KPTN: variants seen among roughly 807,000 people sequenced by gnomAD.
The protein encoded by KPTN is KICSTOR complex protein kaptin.
In KPTN, 36 loss-of-function variants were observed where a neutral mutation model predicts 52.6. The ratio of observed to expected loss-of-function variants is 0.68; its 90% CI spans 0.52 to 0.90. The LOEUF is 0.90. Ranked by LOEUF, KPTN falls within the 40% of genes least tolerant of loss-of-function variation. The pLI, the probability that KPTN is intolerant of heterozygous loss-of-function variation, is 0.00. For synonymous variants in KPTN, 271 were observed against 248.4 expected (o/e 1.09, Z -0.85); for missense variants, 529 against 576.2 (o/e 0.92, Z 0.84).
intron 7 of KPTN, 50 bp from the exon 8 acceptor site, chr19:47,479,990 C>T (rs538852842): frequency 1.4e-6 from 2 of 1,481,388 alleles, no homozygotes; most frequent in Admixed American, 1.9e-5. Flanking sequence ...CGGTCCCGCC[C>T]GCAGCCCTGA....
At chr19:47,480,563 A>G (rs1967841857) in intron 6 of KPTN, 156 bp from the exon 7 acceptor site, 2 of 734,528 alleles carry the variant, frequency 2.7e-6, no homozygotes, top group African/African-American at 1.8e-5. Flanking sequence ...TCTGAGGTCA[A>G]TTCTCACCAC....
chr19:47,480,827 C>T lies in KPTN; in HGVS notation c.532G>A (p.Gly178Arg), dbSNP rs200357796. The T allele has an allele frequency of 5.6e-6, 9 of 1,614,068 alleles. No individual in the cohort carries two copies. In the African/African-American group the frequency reaches 1.2e-4, roughly 22 times the overall value. ...GGCTGTTCCTCAAACTGATGCAGCC[C>T]CTCGTTCTGGGGAAACCAAGACCCA... Reference protein sequence around the residue: ...PAIHLYKENEGLHQFEEQPVE... With the variant: ...PAIHLYKENERLHQFEEQPVE... Residue 178 changes from glycine (G) to arginine (R), a missense_variant, in exon 6 of 12, where the codon GGG becomes AGG. Gly to Arg is a moderately radical substitution (Grantham distance 125, BLOSUM62 -2). Coordinates refer to ENST00000338134, the MANE Select transcript of KPTN (RefSeq NM_007059.4).
At position 47,480,479 on chromosome 19, in the gene KPTN, G is replaced by A. The variant is rs1454973158; in HGVS notation, c.600-72C>T. 19 of 1,130,220 alleles carry A rather than the reference G, an allele frequency of 1.7e-5. 1 individual carries two copies. In the East Asian group the frequency reaches 4.7e-4, roughly 28 times the overall value. 70.0% of individuals were successfully genotyped at this position (1,130,220 alleles called of 1,614,324 possible). A position where few individuals can be genotyped will look rare whatever the true frequency, so the allele number is the denominator to read the frequency against. On this transcript the variant is annotated intron_variant, in intron 6 of 11. Coordinates refer to ENST00000338134, the MANE Select transcript of KPTN (RefSeq NM_007059.4). ...AGCCCCGCCCCTCTGCCTCCCCAGG[G>A]GCAGCCGCCCCTCCCTGTAGCCCTG... is the stretch of plus-strand genomic sequence containing the variant.
chr19:47,481,277 T>C (rs1019514454), intron 4 of KPTN, among the ~76,000 whole-genome samples: 2 of 152,162 alleles, frequency 1.3e-5, no homozygotes, highest in Non-Finnish European at 2.9e-5. Context: ...AATCTCAGAA[T>C]TGCGGGAACA....
upstream of KPTN, chr19:47,484,348 T>C: frequency 1.5e-6 from 1 of 655,000 alleles, no homozygotes. Context: ...CAGGCGACTT[T>C]GCCCCACTGC....
At chr19:47,481,904 A>T (rs1362277951) in intron 4 of KPTN, among the ~76,000 whole-genome samples, 1 of 152,232 alleles carries the variant, frequency 6.6e-6, no homozygotes, top group Non-Finnish European at 1.5e-5. Context: ...TCTATGTTCT[A>T]TCTCCTCGAA....
chr19:47,477,684 C>T (rs1382437405), intron 9 of KPTN, 22 bp downstream of exon 9: 1 of 1,588,264 alleles, frequency 6.3e-7, no homozygotes, highest in South Asian at 1.1e-5. Flanking sequence ...AGACCACACC[C>T]ATGTGTCTCA....
intron 4 of KPTN, 136 bp from the exon 5 acceptor site, chr19:47,481,169 A>C (rs1967868406): frequency 8.7e-6 from 6 of 691,194 alleles, no homozygotes; most frequent in Non-Finnish European, 1.3e-5. Context: ...CAGGGTTAGA[A>C]TCTCAGGGCT....
intron 8 of KPTN, 114 bp downstream of exon 8, chr19:47,479,749 G>A (rs1255928068): frequency 2.6e-6 from 2 of 766,824 alleles, no homozygotes; most frequent in Non-Finnish European, 4.4e-6. Flanking sequence ...AGAGGGACTG[G>A]GGTCTGCACA....
chr19:47,477,670 G>A (rs1477740276), intron 9 of KPTN, 36 bp downstream of exon 9: 2 of 1,525,962 alleles, frequency 1.3e-6, no homozygotes, highest in Non-Finnish European at 1.8e-6. Context: ...AAAGAAAGAA[G>A]GTTAGACCAC....
In KPTN at chr19:47,480,332, A is replaced by C; in HGVS notation, c.675T>G (p.Tyr225Ter). 6.5e-7 allele frequency: 1 copy of C among 1,537,422 alleles called. No individual in the cohort carries two copies. The highest frequency in any genetic ancestry group is 1.7e-4 in the Middle Eastern group (1 of 5,920). Reference protein sequence around the residue: ...RLSALGCQSGYVRVAHVDQRS... With the variant: ...RLSALGCQSG ...GCTGGTCCACGTGGGCGACACGGAC[A>C]TAACCACTCTGACAGCCCAGAGCTG... is the stretch of plus-strand genomic sequence containing the variant. The change falls in exon 7 of 12, where the codon TAT (tyrosine) becomes TAG (stop). Residue 225 changes from tyrosine to a stop codon, truncating the protein, a stop_gained. Coordinates refer to ENST00000338134, the MANE Select transcript of KPTN (RefSeq NM_007059.4). LOFTEE classifies it high-confidence loss of function.
Position 47,477,717 on chromosome 19 carries a change from T to C in KPTN, c.852A>G (p.Ala284=), listed in dbSNP as rs1000329355. The part of the protein sequence containing the change: ...SVLVASMLEP[A]VVYRDLLNRG... ...TCAGGCCCCCTCACCGATACACCAC[T>C]GCTGGCTCCAACATGCTGGCCACGA... The change falls in exon 9 of 12, where the codon GCA becomes GCG. Residue 284 remains alanine (A), a synonymous_variant. Transcript: ENST00000338134. 1.9e-6 allele frequency: 3 copies of C among 1,613,250 alleles called. No homozygotes were observed. In the African/African-American group the frequency reaches 4.0e-5, roughly 22 times the overall value.
At chr19:47,481,156 A>G (rs1004354482) in intron 4 of KPTN, 123 bp from the exon 5 acceptor site, 3 of 745,818 alleles carry the variant, frequency 4.0e-6, no homozygotes, top group African/African-American at 3.5e-5. Flanking sequence ...CAGACACTAG[A>G]CCCAGGGTTA....
intron 6 of KPTN, 71 bp downstream of exon 6, chr19:47,480,689 A>G (rs1231319484): frequency 2.1e-6 from 3 of 1,411,052 alleles, no homozygotes; most frequent in East Asian, 4.6e-5. Flanking sequence ...AATTTCTCTA[A>G]GGTCTCACCG....
intron 7 of KPTN, 46 bp from the exon 8 acceptor site, chr19:47,479,986 C>G: frequency 6.7e-7 from 1 of 1,497,490 alleles, no homozygotes; most frequent in Non-Finnish European, 9.1e-7. Context: ...ACCCCGGTCC[C>G]GCCCGCAGCC....
chr19:47,482,292 T>C (rs948693735), intron 4 of KPTN, among the ~76,000 whole-genome samples: 6 of 151,980 alleles, frequency 3.9e-5, no homozygotes, highest in Non-Finnish European at 8.8e-5. Flanking sequence ...AGTTCGAGAC[T>C]AGCCTGGCCA....
intron 7 of KPTN, 140 bp from the exon 8 acceptor site, chr19:47,480,080 G>A: frequency 8.3e-6 from 2 of 241,084 alleles, no homozygotes; most frequent in Middle Eastern, 1.5e-3. Context: ...CCCTAGCCCC[G>A]CCCCCAATCC....
intron 11 of KPTN, 27 bp from the exon 12 acceptor site, chr19:47,475,571 A>G: frequency 6.2e-7 from 1 of 1,601,170 alleles, no homozygotes. Flanking sequence ...AATGAGGGGG[A>G]TGGAGCTGAG....
chr19:47,483,280 C>T lies in KPTN; in HGVS notation c.394+15G>A, dbSNP rs777797418. On this transcript the variant is annotated intron_variant, in intron 3 of 11. Transcript: ENST00000338134. ...CTGGGGACTCTCTCCCTCCTCCCGT[C>T]CACGCCTCACTCACGGGCAATAGAG... 2.5e-6 allele frequency: 4 copies of T among 1,613,678 alleles called. No individual in the cohort carries two copies. In the South Asian group the frequency reaches 4.4e-5, roughly 18 times the overall value.
Sources: gnomAD v4.1 joint callset for allele counts (sites outside exome capture counted in the v4.1 genomes callset) on GRCh38, gnomAD v4.1.1 for gene constraint, MANE v1.5 for transcripts, NCBI Gene and HGNC (gene_info 2026-07-23, HGNC 2026-07-21) for gene names.